PLPP7: variants seen among roughly 807,000 people sequenced by gnomAD.
PLPP7 encodes the protein inactive phospholipid phosphatase 7.
PLPP7 carries 11 observed loss-of-function variants against 16.9 expected under a neutral mutation model. The ratio of observed to expected loss-of-function variants is 0.65; its 90% CI spans 0.41 to 1.08. The LOEUF is 1.08. Among genes scored for constraint, PLPP7 ranks in the 50% least tolerant of loss-of-function variants. The probability of loss-of-function intolerance (pLI) is 0.00; values close to 1 mark genes in which losing one functional copy is unlikely to be tolerated. For synonymous variants in PLPP7, 174 were observed against 175.1 expected, an observed-to-expected ratio of 0.99 and a Z score of 0.05; for missense variants, 358 against 397.1, an observed-to-expected ratio of 0.90 and a Z score of 0.84.
intron 1 of PLPP7, among the ~76,000 whole-genome samples, chr9:131,299,495 TG>T (rs1835772672): frequency 6.6e-6 from 1 of 152,036 alleles, no homozygotes; most frequent in South Asian, 2.1e-4. Context: ...CTGGCTGCGC[TG>T]GAGGAGGAAG....
intron 1 of PLPP7, among the ~76,000 whole-genome samples, chr9:131,305,638 C>T (rs1443111057): frequency 4.6e-5 from 7 of 151,894 alleles, no homozygotes; most frequent in African/African-American, 4.8e-5. Flanking sequence ...GGATGAGAGG[C>T]GTGCACCACC....
At position 131,297,187 on chromosome 9, in the gene PLPP7, G is replaced by A. The variant is rs573140447; in HGVS notation, c.451+6739G>A. ...TGCAAGAGAAATGCAATAGTTTGTG[G>A]TGCCAGTAGGCAGGGTCTGGATCAG... On this transcript the variant is annotated intron_variant, in intron 1 of 1. Coordinates refer to ENST00000372264, the MANE Select transcript of PLPP7 (RefSeq NM_032728.4). Among the ~76,000 whole-genome samples, 138 of 152,346 alleles carry A rather than the reference G, an allele frequency of 9.1e-4. 2 individuals are homozygous for A. The highest frequency in any genetic ancestry group is 2.8e-3 in the African/African-American group (115 of 41,586).
rs1835663219 is a variant in PLPP7 at position 131,290,731 on chromosome 9, A to G, written c.451+283A>G. Among the ~76,000 whole-genome samples the G allele has an allele frequency of 6.6e-6, 1 of 152,190 alleles. No homozygotes were observed. The highest frequency in any genetic ancestry group is 2.1e-4 in the South Asian group (1 of 4,830). Reference sequence around the variant, plus strand: ...CTCAGCAAAAGGCACCGCTGCCCAGAGGCAGCTTGAAGGGAGGCTGGGCCA... The same window carrying G: ...CTCAGCAAAAGGCACCGCTGCCCAGGGGCAGCTTGAAGGGAGGCTGGGCCA... On this transcript the variant is annotated intron_variant, in intron 1 of 1. Coordinates refer to ENST00000372264, the MANE Select transcript of PLPP7 (RefSeq NM_032728.4). This position sits in a 1 kb window ranked among gnomAD's most constrained non-coding sequence, Gnocchi z 4.2.
At chr9:131,297,750 G>A (rs1392693120) in intron 1 of PLPP7, among the ~76,000 whole-genome samples, 1 of 152,192 alleles carries the variant, frequency 6.6e-6, no homozygotes, top group African/African-American at 2.4e-5. Context: ...AGATTTTAAA[G>A]TGCAGAATTA....
At chr9:131,297,121 G>A (rs1332450769) in intron 1 of PLPP7, among the ~76,000 whole-genome samples, 1 of 152,228 alleles carries the variant, frequency 6.6e-6, no homozygotes, top group Non-Finnish European at 1.5e-5. Context: ...CCAGGTCAGG[G>A]CCCCTTAATA....
intron 1 of PLPP7, chr9:131,292,774 T>G (rs199968878): frequency 3.2e-6 from 1 of 314,496 alleles, no homozygotes; most frequent in Non-Finnish European, 3.7e-6. Flanking sequence ...CTCTGCTTTG[T>G]TTTTTTTTTA....
chr9:131,308,007 T>C lies in PLPP7; in HGVS notation c.536T>C (p.Leu179Pro), dbSNP rs781669164. The change falls in exon 2 of 2, where the codon CTG becomes CCG. Residue 179 changes from leucine (L) to proline (P), a missense_variant. Transcript: ENST00000372264. ...CCGTACGAGACGAGCCCCAGCCTCCTGGACTACCTCACCATGGACATCTAC... is the reference window on the plus strand; with the variant it reads ...CCGTACGAGACGAGCCCCAGCCTCCCGGACTACCTCACCATGGACATCTAC... ...RGPYETSPSL[L>P]DYLTMDIYAF... 1.9e-6 allele frequency: 3 copies of C among 1,600,824 alleles called. No homozygotes were observed. The highest frequency in any genetic ancestry group is 1.3e-5 in the African/African-American group (1 of 74,934).
intron 1 of PLPP7, among the ~76,000 whole-genome samples, chr9:131,301,352 T>C (rs1835796175): frequency 1.3e-5 from 2 of 152,180 alleles, no homozygotes; most frequent in African/African-American, 4.8e-5. Flanking sequence ...AGATGGCCCA[T>C]GCCTTCCAGT....
chr9:131,301,563 C>A (rs1040888400), intron 1 of PLPP7, among the ~76,000 whole-genome samples: 1 of 152,266 alleles, frequency 6.6e-6, no homozygotes, highest in Admixed American at 6.5e-5. Flanking sequence ...CTGGGCCAGA[C>A]AATTTTGACC....
intron 1 of PLPP7, among the ~76,000 whole-genome samples, chr9:131,293,248 A>G (rs11352413): frequency 0.58 from 87,971 of 151,544 alleles, 25,687 homozygotes; most frequent in East Asian, 0.71. Context: ...CAGGTCGGGC[A>G]TATCACCCGT....
At chr9:131,305,204 C>T (rs1835840915) in intron 1 of PLPP7, among the ~76,000 whole-genome samples, 1 of 152,182 alleles carries the variant, frequency 6.6e-6, no homozygotes, top group Admixed American at 6.6e-5. Flanking sequence ...CAGCATGAGT[C>T]ACGGCAGCCG....
chr9:131,305,475 G>A (rs1203090929), intron 1 of PLPP7, among the ~76,000 whole-genome samples: 1 of 151,486 alleles, frequency 6.6e-6, no homozygotes, highest in Non-Finnish European at 1.5e-5. Flanking sequence ...GATCTCTCGA[G>A]CCCAGGAATT....
In PLPP7 at chr9:131,290,490, G is replaced by A. The variant is rs112629034; in HGVS notation, c.451+42G>A. The stretch of plus-strand genomic sequence containing the variant: ...CCCGCCACTCACTGTCAGGCCCCTC[G>A]GGAGGCAGCCTGGCCTGCCCAACCC... On this transcript the variant is annotated intron_variant, in intron 1 of 1. Transcript: ENST00000372264. The surrounding 1 kb of genome is among the most constrained non-coding windows in gnomAD (Gnocchi z 4.2). 3.2e-5 allele frequency: 48 copies of A among 1,480,606 alleles called. No individual in the cohort carries two copies. The highest frequency in any genetic ancestry group is 2.1e-4 in the African/African-American group (15 of 71,184). 91.7% of individuals were successfully genotyped at this position (1,480,606 alleles called of 1,614,324 possible). A position where few individuals can be genotyped will look rare whatever the true frequency, so the allele number is the denominator to read the frequency against.
intron 1 of PLPP7, among the ~76,000 whole-genome samples, chr9:131,293,675 G>T (rs1170909952): frequency 1.3e-5 from 2 of 152,196 alleles, no homozygotes; most frequent in African/African-American, 4.8e-5. Context: ...TATTGTCCAG[G>T]TCCCTGCTCT....
intron 1 of PLPP7, among the ~76,000 whole-genome samples, chr9:131,298,200 G>A (rs1424220968): frequency 6.6e-6 from 1 of 152,162 alleles, no homozygotes; most frequent in African/African-American, 2.4e-5. Context: ...TGAGTCCAAG[G>A]GAGACACGTG....
At chr9:131,307,406 G>T (rs1279171017) in intron 1 of PLPP7, among the ~76,000 whole-genome samples, 1 of 151,570 alleles carries the variant, frequency 6.6e-6, no homozygotes, top group Non-Finnish European at 1.5e-5. Context: ...ACAAAAATTA[G>T]CTGGACGTGG....
Position 131,306,109 on chromosome 9 carries a change from C to T in PLPP7, c.452-1814C>T, listed in dbSNP as rs1237255744. On this transcript the variant is annotated intron_variant, in intron 1 of 1. Coordinates refer to ENST00000372264, the MANE Select transcript of PLPP7 (RefSeq NM_032728.4). ...AAAATTAGCCAGGCGTAGTGGCAGG[C>T]GCCTGTAGTCCCAGCTACTCAGGAG... Among the ~76,000 whole-genome samples, 10 of 152,162 alleles carry T rather than the reference C, an allele frequency of 6.6e-5. No individual in the cohort carries two copies. In the East Asian group the frequency reaches 1.4e-3, roughly 21 times the overall value.
rs1835672253 is a variant in PLPP7 at position 131,291,186 on chromosome 9, C to CCCAG, written c.451+741_451+744dup. 4 of 1,364,534 alleles carry CCCAG rather than the reference C, an allele frequency of 2.9e-6. No individual in the cohort carries two copies. The Middle Eastern group carries it at 6.3e-4, about 215-fold the overall frequency. The allele number at this position is 1,364,534 out of a possible 1,614,324, so 84.5% of individuals were successfully genotyped here. ...CCATTCCCTCCACCCAGAGGTGATG[C>CCCAG]CCAGCCCCCGTCCGGCCCACCCTTC... On this transcript the variant is annotated intron_variant, in intron 1 of 1. Transcript: ENST00000372264.
Position 131,297,386 on chromosome 9 carries a change from C to CT in PLPP7, c.451+6954dup, listed in dbSNP as rs10706585. On this transcript the variant is annotated intron_variant, in intron 1 of 1. Transcript: ENST00000372264. ...GAGAGCTGGCTTTAGCAGGTGGAGTCTTTTTTTTTTTTTTTTCTGAAGAGA... is the reference window on the plus strand; with the variant it reads ...GAGAGCTGGCTTTAGCAGGTGGAGTCTTTTTTTTTTTTTTTTTCTGAAGAGA... 8.2e-4 allele frequency among the ~76,000 whole-genome samples: 112 copies of CT among 137,020 alleles called. 1 individual carries two copies. Among genetic ancestry groups the CT allele is most frequent in the Middle Eastern group, 7.8e-3 (2 of 258 alleles). 89.9% of individuals were successfully genotyped at this position (137,020 alleles called of 152,430 possible).
Sources: allele counts gnomAD v4.1 joint callset (sites outside exome capture counted in the v4.1 genomes callset), GRCh38; gene constraint gnomAD v4.1.1; non-coding constraint Gnocchi (gnomAD v3.1); transcripts MANE v1.5; gene names NCBI Gene and HGNC (gene_info 2026-07-23, HGNC 2026-07-21).